Variants in MICAL3 observed in about 807,000 individuals in gnomAD.
MICAL3 encodes the protein microtubule associated monooxygenase, calponin and LIM domain containing 3.
Under a neutral mutation model 207.4 loss-of-function variants are expected in MICAL3, and 62 were observed. That is an observed-to-expected ratio of 0.30 (90% CI 0.24 to 0.37). The LOEUF is 0.37. Among genes scored for constraint, MICAL3 ranks in the 10% least tolerant of loss-of-function variants. MICAL3 has a pLI of 1.00. For missense variants in MICAL3, 2,368 were observed against 2,635.6 expected, an observed-to-expected ratio of 0.90 and a Z score of 2.22; for synonymous variants, 1,077 against 1,069.3, an observed-to-expected ratio of 1.01 and a Z score of -0.14.
At chr22:17,875,268 G>T in intron 16 of MICAL3, 1 of 407,198 alleles carries the variant, frequency 2.5e-6, no homozygotes. Flanking sequence ...TGAGGAGTGT[G>T]CCACAGACCT....
chr22:17,873,672 G>GA (rs959578165), intron 16 of MICAL3, among the ~76,000 whole-genome samples: 4 of 152,190 alleles, frequency 2.6e-5, no homozygotes, highest in African/African-American at 9.7e-5. Context: ...AAAGGTAAGA[G>GA]AAAAAAACCC....
At chr22:17,962,926 A>T (rs11089210) in intron 1 of MICAL3, among the ~76,000 whole-genome samples, 30,166 of 151,578 alleles carry the variant, frequency 0.2, 3,125 homozygotes, top group Middle Eastern at 0.27. Flanking sequence ...ATTTTTTTTT[A>T]AAAAATTTTA....
chr22:18,016,522 A>C (rs1602404913), intron 1 of MICAL3, among the ~76,000 whole-genome samples: 1 of 152,248 alleles, frequency 6.6e-6, no homozygotes. Flanking sequence ...TTCTCCCTCC[A>C]AACAGCCCTT....
At chr22:17,884,154 A>G in intron 16 of MICAL3, 1 of 583,496 alleles carries the variant, frequency 1.7e-6, no homozygotes, top group Non-Finnish European at 3.0e-6. Flanking sequence ...GAATGAGCAG[A>G]GATTTCCTGC....
chr22:18,016,857 G>A (rs903411823), intron 1 of MICAL3, among the ~76,000 whole-genome samples: 7 of 151,868 alleles, frequency 4.6e-5, no homozygotes, highest in East Asian at 1.9e-4. Context: ...GGAGAATGGC[G>A]TGAACCCGGG....
At chr22:17,854,807 T>G (rs944647892) in intron 19 of MICAL3, among the ~76,000 whole-genome samples, 1 of 152,202 alleles carries the variant, frequency 6.6e-6, no homozygotes, top group Non-Finnish European at 1.5e-5. Flanking sequence ...CAGAGATGAA[T>G]CTGATGGGCT....
At chr22:18,004,141 T>G (rs1923221511) in intron 1 of MICAL3, 1 of 152,182 alleles carries the variant, frequency 6.6e-6, no homozygotes, top group Admixed American at 6.5e-5. Flanking sequence ...GGAAAGTGCA[T>G]CCCTCCATGA....
At position 17,788,070 on chromosome 22, in the gene MICAL3, C is replaced by T. The variant is rs940077503; in HGVS notation, c.*2662G>A. ...TGCCTTCAAGGGAAGACTTAACTCT[C>T]CGAGAGAAAACCTGCCTGGAGCTGC... On this transcript the variant is annotated 3_prime_UTR_variant, in exon 32 of 32. Transcript: ENST00000441493. 2 of 152,282 alleles carry T rather than the reference C, an allele frequency of 1.3e-5. No homozygotes were observed. The highest frequency in any genetic ancestry group is 4.8e-5 in the African/African-American group (2 of 41,468). The allele number at this position is 152,282 out of a possible 1,614,324, so 9.4% of individuals were successfully genotyped here.
intron 1 of MICAL3, among the ~76,000 whole-genome samples, chr22:17,942,701 C>G (rs114661684): frequency 6.6e-6 from 1 of 152,202 alleles, no homozygotes; most frequent in African/African-American, 2.4e-5. Context: ...AGTGTCTGAA[C>G]AGCTATAGAT....
At chr22:17,875,416 CAG>C (rs1330984258) in intron 16 of MICAL3, 3 of 1,388,640 alleles carry the variant, frequency 2.2e-6, no homozygotes, top group Non-Finnish European at 2.9e-6. Flanking sequence ...CTGCGGAGGG[CAG>C]AGTTTTAGTG....
At chr22:17,953,587 C>G (rs1934454212) in intron 1 of MICAL3, among the ~76,000 whole-genome samples, 1 of 152,086 alleles carries the variant, frequency 6.6e-6, no homozygotes, top group Non-Finnish European at 1.5e-5. Context: ...CGGGGGACAT[C>G]AATACCCCAA....
At chr22:17,798,964 T>C (rs1052267741) in intron 29 of MICAL3, among the ~76,000 whole-genome samples, 6 of 152,074 alleles carry the variant, frequency 3.9e-5, no homozygotes, top group Non-Finnish European at 7.4e-5. Flanking sequence ...GGAGCCACCG[T>C]GCCCGGCCAG....
chr22:17,896,408 CA>C, intron 8 of MICAL3, 47 bp from the exon 9 acceptor site: 1 of 1,139,638 alleles, frequency 8.8e-7, no homozygotes. Flanking sequence ...ACACACCTTT[CA>C]AAATGGGAAA....
rs1395982803 is a variant in MICAL3 at position 17,872,030 on chromosome 22, G to A, written c.2242-7C>T. 2 of 1,594,810 alleles carry A rather than the reference G, an allele frequency of 1.3e-6. No homozygotes were observed. The highest frequency in any genetic ancestry group is 2.3e-5 in the South Asian group (2 of 87,774). On this transcript the variant is annotated splice_region_variant and splice_polypyrimidine_tract_variant and intron_variant, in intron 16 of 31. Transcript: ENST00000441493. ...ACTCCTTCTTCATGGAGCCCTGCAG[G>A]AGGTGGCGGTCGGGAGGAAGGGGAG...
Position 17,817,587 on chromosome 22 carries a change from A to G in MICAL3, c.5074T>C (p.Ser1692Pro). ...GACCTCTTCTTGCTCTTCCCACTGG[A>G]GCCCTCGGATGAAGTGAAAGAGCCA... ...PDGSFTSSEG[S>P]SGKSKKRSSL... Residue 1692 changes from serine to proline, a missense_variant, in exon 26 of 32, where the codon TCC (serine) becomes CCC (proline). This residue lies in a region of MICAL3 where 1,770 missense variants were observed against 1,863.2 expected (regional missense o/e 0.95). Transcript: ENST00000441493. 1 of 1,613,014 alleles carries G rather than the reference A, an allele frequency of 6.2e-7. No homozygotes were observed. The highest frequency in any genetic ancestry group is 1.1e-5 in the South Asian group (1 of 91,050).
rs750764940 is a variant in MICAL3, at chr22:17,889,214, C to T, written c.1711G>A (p.Asp571Asn). The change falls in exon 13 of 32, where the codon GAT becomes AAT. Residue 571 changes from aspartate to asparagine, a missense_variant. Coordinates refer to ENST00000441493, the MANE Select transcript of MICAL3 (RefSeq NM_015241.3). ...RPDLIDFDSL[D>N]EQNVEKNNQL... Reference sequence around the variant, plus strand: ...TTATTCTTCTCCACATTTTGCTCATCCAAAGAATCAAAATCTCTGAGAAAC... The same window carrying T: ...TTATTCTTCTCCACATTTTGCTCATTCAAAGAATCAAAATCTCTGAGAAAC... 1 of 1,611,462 alleles carries T rather than the reference C, an allele frequency of 6.2e-7. No individual in the cohort carries two copies. Among genetic ancestry groups the T allele is most frequent in the Non-Finnish European group, 8.5e-7 (1 of 1,177,836 alleles).
intron 7 of MICAL3, among the ~76,000 whole-genome samples, chr22:17,898,483 G>A (rs191894007): frequency 8.5e-5 from 13 of 152,294 alleles, no homozygotes; most frequent in African/African-American, 2.4e-4. Flanking sequence ...GCACATGCTC[G>A]TCAGCTCACT....
intron 19 of MICAL3, among the ~76,000 whole-genome samples, chr22:17,848,433 T>A (rs559256370): frequency 2.6e-5 from 4 of 152,192 alleles, no homozygotes; most frequent in Non-Finnish European, 5.9e-5. Flanking sequence ...GGCCCAGACA[T>A]TTTCCAGTTT....
intron 20 of MICAL3, among the ~76,000 whole-genome samples, chr22:17,835,027 G>T (rs1923214920): frequency 6.6e-6 from 1 of 152,224 alleles, no homozygotes; most frequent in African/African-American, 2.4e-5. Context: ...CTGGGAGGGG[G>T]CCTCAGCACA....
Sources: allele counts gnomAD v4.1 joint callset (sites outside exome capture counted in the v4.1 genomes callset), GRCh38; gene constraint gnomAD v4.1.1; regional missense constraint gnomAD v4.1.1; transcripts MANE v1.5; gene names NCBI Gene and HGNC (gene_info 2026-07-23, HGNC 2026-07-21).